Variants in DLGAP4 observed in about 807,000 individuals in gnomAD.
The protein encoded by DLGAP4 is DLG associated protein 4.
Under a neutral mutation model 86.9 loss-of-function variants are expected in DLGAP4, and 18 were observed. The ratio of observed to expected loss-of-function variants is 0.21; its 90% CI spans 0.14 to 0.31. The LOEUF (loss-of-function observed/expected upper bound fraction) is 0.31, where lower values mean the gene tolerates loss of function less well. Ranked by LOEUF, DLGAP4 falls within the 10% of genes least tolerant of loss-of-function variation. The probability of loss-of-function intolerance (pLI) is 1.00; values close to 1 mark genes in which losing one functional copy is unlikely to be tolerated. For synonymous variants in DLGAP4, 548 were observed against 574.3 expected (o/e 0.95, Z 0.65); for missense variants, 1,085 against 1,362.6 (o/e 0.80, Z 3.21).
chr20:36,402,492 C>T (rs745637811), intron 2 of DLGAP4, among the ~76,000 whole-genome samples: 9 of 152,140 alleles, frequency 5.9e-5, no homozygotes, highest in Non-Finnish European at 1.0e-4. Flanking sequence ...TCATGCCTGT[C>T]ATCCCAGCAC....
At chr20:36,464,063 C>T (rs188583432) in intron 7 of DLGAP4, among the ~76,000 whole-genome samples, 2 of 152,288 alleles carry the variant, frequency 1.3e-5, no homozygotes, top group African/African-American at 2.4e-5. Context: ...TTACTGTGTA[C>T]GCTGTGCTTG....
intron 2 of DLGAP4, among the ~76,000 whole-genome samples, chr20:36,369,666 C>G (rs1183527871): frequency 6.6e-6 from 1 of 152,202 alleles, no homozygotes. Context: ...GGAAGGGAAC[C>G]TCAGGGGGTT....
chr20:36,426,696 G>A (rs978616388), intron 2 of DLGAP4, among the ~76,000 whole-genome samples: 1 of 152,078 alleles, frequency 6.6e-6, no homozygotes, highest in Non-Finnish European at 1.5e-5. Context: ...TGAATTGCAC[G>A]CTTAAAGATG....
intron 2 of DLGAP4, among the ~76,000 whole-genome samples, chr20:36,414,906 G>A (rs560077099): frequency 6.6e-6 from 1 of 152,294 alleles, no homozygotes; most frequent in East Asian, 1.9e-4. Context: ...GGGAATGCAA[G>A]GAGGGATGAG....
chr20:36,319,346 G>T (rs1042513358), intron 1 of DLGAP4, among the ~76,000 whole-genome samples: 12 of 152,106 alleles, frequency 7.9e-5, no homozygotes, highest in African/African-American at 2.9e-4. Flanking sequence ...CAGTGTCATT[G>T]CCTGTCTCAG....
intron 11 of DLGAP4, 34 bp downstream of exon 11, chr20:36,524,375 T>A: frequency 6.3e-7 from 1 of 1,583,950 alleles, no homozygotes; most frequent in Non-Finnish European, 8.6e-7. Flanking sequence ...ACAGCAGGGC[T>A]TCCAGCCTTT....
At chr20:36,436,393 G>C in intron 4 of DLGAP4, 43 bp downstream of exon 4, 1 of 1,532,090 alleles carries the variant, frequency 6.5e-7, no homozygotes, top group South Asian at 1.2e-5. Flanking sequence ...CCAGAGGCAA[G>C]CCCCGCCCAC....
intron 7 of DLGAP4, 135 bp downstream of exon 7, chr20:36,447,072 G>A: frequency 7.0e-7 from 1 of 1,438,076 alleles, no homozygotes. Context: ...ATGGTTGGGA[G>A]CAAAAGCAGG....
intron 1 of DLGAP4, among the ~76,000 whole-genome samples, chr20:36,329,808 G>A (rs529932237): frequency 1.1e-4 from 16 of 151,736 alleles, no homozygotes; most frequent in African/African-American, 2.9e-4. Context: ...CAAGTCAGGC[G>A]GATCACAAGG....
At chr20:36,514,034 A>T (rs1012748240) in intron 10 of DLGAP4, among the ~76,000 whole-genome samples, 11 of 152,246 alleles carry the variant, frequency 7.2e-5, no homozygotes, top group African/African-American at 2.7e-4. Flanking sequence ...AGAATGCCTA[A>T]TAAGTAGAGA....
At chr20:36,424,901 AATTGTTGT>A (rs2032933697) in intron 2 of DLGAP4, among the ~76,000 whole-genome samples, 2 of 152,034 alleles carry the variant, frequency 1.3e-5, no homozygotes, top group African/African-American at 4.8e-5. Flanking sequence ...ACGTCTGGCT[AATTGTTGT>A]ATTTTTAGTA....
In DLGAP4 at chr20:36,525,985, G is replaced by A. The variant is rs750673553; in HGVS notation, c.2739G>A (p.Val913=). The change falls in exon 12 of 13, where the codon GTG becomes GTA. Residue 913 remains valine, a synonymous_variant. Transcript: ENST00000339266. ...TCAAGGCCAACAGCTGGCAGCTGGT[G>A]GAGACCCCCGAGAAGAGGAAGGTGA... ...YHLKANSWQL[V]ETPEKRKEEK... is the part of the protein sequence containing the mutation. 4 of 1,613,874 alleles carry A rather than the reference G, an allele frequency of 2.5e-6. No individual in the cohort carries two copies. Among genetic ancestry groups the A allele is most frequent in the African/African-American group, 2.7e-5 (2 of 74,886 alleles).
chr20:36,436,965 C>G (rs2033304307), intron 4 of DLGAP4, among the ~76,000 whole-genome samples: 1 of 152,228 alleles, frequency 6.6e-6, no homozygotes, highest in Admixed American at 6.5e-5. Flanking sequence ...TCCCGCTCAC[C>G]CGCAAGCCTC....
At chr20:36,394,475 C>T (rs1291802940) in intron 2 of DLGAP4, among the ~76,000 whole-genome samples, 1 of 152,164 alleles carries the variant, frequency 6.6e-6, no homozygotes, top group Non-Finnish European at 1.5e-5. Context: ...CCATGGTCCC[C>T]ATCTCCCCCG....
chr20:36,462,355 C>T, intron 7 of DLGAP4: 1 of 1,378,140 alleles, frequency 7.3e-7, no homozygotes, highest in Non-Finnish European at 9.3e-7. Flanking sequence ...CTCCCTGCCC[C>T]TCTGTGCCCC....
intron 10 of DLGAP4, among the ~76,000 whole-genome samples, chr20:36,516,378 C>T (rs1349339345): frequency 2.0e-5 from 3 of 152,072 alleles, no homozygotes; most frequent in African/African-American, 7.2e-5. Flanking sequence ...TTTAATGTGA[C>T]AGTACTGGCT....
intron 1 of DLGAP4, among the ~76,000 whole-genome samples, chr20:36,317,353 CTCTT>C (rs1286043498): frequency 5.2e-4 from 75 of 144,864 alleles, no homozygotes; most frequent in African/African-American, 8.1e-4. Flanking sequence ...CTTTCCTTCT[CTCTT>C]TCTTTCTTTC....
chr20:36,336,891 C>T (rs1421626209), intron 1 of DLGAP4, among the ~76,000 whole-genome samples: 1 of 152,242 alleles, frequency 6.6e-6, no homozygotes, highest in Admixed American at 6.5e-5. Context: ...CCAGCAGACC[C>T]CAGAGGGGCC....
At chr20:36,400,903 G>A (rs1016156890) in intron 2 of DLGAP4, among the ~76,000 whole-genome samples, 23 of 152,214 alleles carry the variant, frequency 1.5e-4, no homozygotes, top group African/African-American at 4.8e-4. Flanking sequence ...GTCACCGGGC[G>A]CTGGGGGGCC....
Sources: gnomAD v4.1 joint callset for allele counts (sites outside exome capture counted in the v4.1 genomes callset) on GRCh38, gnomAD v4.1.1 for gene constraint, MANE v1.5 for transcripts, NCBI Gene and HGNC (gene_info 2026-07-23, HGNC 2026-07-21) for gene names.